Variants in CNTNAP5 observed in about 807,000 individuals in gnomAD.
CNTNAP5 encodes the protein contactin associated protein family member 5.
CNTNAP5 carries 72 observed loss-of-function variants against 150.2 expected under a neutral mutation model. That is an observed-to-expected ratio of 0.48 (90% CI 0.40 to 0.58). The LOEUF (loss-of-function observed/expected upper bound fraction) is 0.58. CNTNAP5 is among the 20% of genes least tolerant of loss of function. CNTNAP5 has a pLI of 0.00. For synonymous variants in CNTNAP5, 672 were observed against 619.8 expected (o/e 1.08, Z -1.25); for missense variants, 1,636 against 1,626.2 (o/e 1.01, Z -0.10).
intron 12 of CNTNAP5, among the ~76,000 whole-genome samples, chr2:124,641,866 T>A (rs1678101216): frequency 1.3e-5 from 2 of 152,280 alleles, no homozygotes; most frequent in South Asian, 4.1e-4. Flanking sequence ...TAGAATGAGG[T>A]CTTATTAATC....
intron 1 of CNTNAP5, among the ~76,000 whole-genome samples, chr2:124,211,500 C>T (rs1359239096): frequency 1.3e-5 from 2 of 148,922 alleles, no homozygotes; most frequent in Non-Finnish European, 3.0e-5. Context: ...TGCAAATATA[C>T]TACAGTCTCC....
chr2:124,612,692 A>AT (rs1677411722), intron 12 of CNTNAP5, among the ~76,000 whole-genome samples: 1 of 152,096 alleles, frequency 6.6e-6, no homozygotes, highest in African/African-American at 2.4e-5. Flanking sequence ...TTTGAATATG[A>AT]TTTTTTTGGG....
At chr2:124,170,442 T>C (rs2579822) in intron 1 of CNTNAP5, among the ~76,000 whole-genome samples, 147,455 of 152,250 alleles carry the variant, frequency 0.97, 71,583 homozygotes, top group East Asian at 1. Context: ...TGTGTGCAGA[T>C]GCTTCTCAGA....
At chr2:124,282,862 T>C (rs566557187) in intron 3 of CNTNAP5, among the ~76,000 whole-genome samples, 1 of 152,292 alleles carries the variant, frequency 6.6e-6, no homozygotes, top group African/African-American at 2.4e-5. Flanking sequence ...TAGTTTCTAT[T>C]ATATATGAAA....
intron 12 of CNTNAP5, among the ~76,000 whole-genome samples, chr2:124,640,535 T>A (rs1408731767): frequency 6.6e-6 from 1 of 152,184 alleles, no homozygotes; most frequent in Non-Finnish European, 1.5e-5. Flanking sequence ...GCCGTGGTTT[T>A]AGTGAGGCAC....
At chr2:124,747,584 A>G (rs1270041350) in intron 14 of CNTNAP5, among the ~76,000 whole-genome samples, 199 bp downstream of exon 14, 4 of 145,468 alleles carry the variant, frequency 2.7e-5, no homozygotes, top group Non-Finnish European at 6.0e-5. Flanking sequence ...ACATATAAGC[A>G]TGTGGTCATA....
intron 19 of CNTNAP5, among the ~76,000 whole-genome samples, chr2:124,855,625 C>A (rs143416024): frequency 6.6e-6 from 1 of 152,064 alleles, no homozygotes; most frequent in African/African-American, 2.4e-5. Flanking sequence ...AACCAATGTA[C>A]GAGAGTATTT....
chr2:124,663,394 AT>A (rs1429926007), intron 13 of CNTNAP5, among the ~76,000 whole-genome samples: 1 of 152,200 alleles, frequency 6.6e-6, no homozygotes, highest in African/African-American at 2.4e-5. Flanking sequence ...CCCCCCAAAA[AT>A]AAAAAGCTAA....
intron 17 of CNTNAP5, among the ~76,000 whole-genome samples, chr2:124,776,269 T>G (rs62171344): frequency 0.061 from 9,191 of 150,502 alleles, 412 homozygotes; most frequent in Middle Eastern, 0.16. Context: ...TACTTTTTAT[T>G]TTTCCCATGG....
chr2:124,137,694 G>T (rs1311567108), intron 1 of CNTNAP5, among the ~76,000 whole-genome samples: 1 of 152,204 alleles, frequency 6.6e-6, no homozygotes, highest in Non-Finnish European at 1.5e-5. Flanking sequence ...CAATGCTGTT[G>T]CGAGGTGCAG....
At chr2:124,240,659 G>GA (rs5834050) in intron 2 of CNTNAP5, among the ~76,000 whole-genome samples, 20 of 146,856 alleles carry the variant, frequency 1.4e-4, no homozygotes, top group East Asian at 2.0e-4. Context: ...GGAATGGTGA[G>GA]AAAAAAAAAA....
intron 4 of CNTNAP5, among the ~76,000 whole-genome samples, chr2:124,431,506 A>AAG (rs1553467704): frequency 1.7e-5 from 2 of 116,036 alleles, no homozygotes; most frequent in Non-Finnish European, 3.4e-5. Flanking sequence ...AAAAGTGTCA[A>AAG]AGATATATAT....
chr2:124,239,235 T>G (rs1686825754), intron 2 of CNTNAP5, among the ~76,000 whole-genome samples: 2 of 152,208 alleles, frequency 1.3e-5, no homozygotes, highest in Admixed American at 1.3e-4. Flanking sequence ...TTGATCAGTC[T>G]TTTGTTATTT....
chr2:124,375,467 A>T (rs887210278), intron 3 of CNTNAP5, among the ~76,000 whole-genome samples: 2 of 152,112 alleles, frequency 1.3e-5, no homozygotes, highest in Admixed American at 1.3e-4. Context: ...ACTCAAACTG[A>T]GGGGCATTCT....
intron 12 of CNTNAP5, among the ~76,000 whole-genome samples, chr2:124,643,081 A>G (rs567288773): frequency 7.2e-5 from 11 of 152,320 alleles, no homozygotes; most frequent in African/African-American, 2.6e-4. Context: ...AACTTTAAAA[A>G]AGCCAATATT....
At chr2:124,481,945 A>G (rs900735065) in intron 7 of CNTNAP5, among the ~76,000 whole-genome samples, 5 of 152,312 alleles carry the variant, frequency 3.3e-5, no homozygotes, top group South Asian at 2.1e-4. Context: ...AAGCCACACC[A>G]CATTCCACGC....
chr2:124,797,984 T>C, intron 18 of CNTNAP5, 112 bp from the exon 19 acceptor site: 1 of 680,684 alleles, frequency 1.5e-6, no homozygotes, highest in South Asian at 1.9e-5. Context: ...CTGATGCATG[T>C]ATTACTCCTC....
chr2:124,317,154 A>G (rs1277421776), intron 3 of CNTNAP5, among the ~76,000 whole-genome samples: 1 of 152,208 alleles, frequency 6.6e-6, no homozygotes, highest in Admixed American at 6.6e-5. Context: ...AACTAAGACC[A>G]TAAAAACCTC....
At position 124,504,278 on chromosome 2, in the gene CNTNAP5, T is replaced by G. The variant is rs192600965; in HGVS notation, c.1063-14T>G. On this transcript the variant is annotated splice_polypyrimidine_tract_variant and intron_variant, in intron 7 of 23. Coordinates refer to ENST00000682447, the MANE Select transcript of CNTNAP5 (RefSeq NM_001367498.1). ...AAAATGGCTTTTATATGTTTGACTT[T>G]TATTGTTTTCCAGGGCAATGTCACT... 3.1e-6 allele frequency: 5 copies of G among 1,607,832 alleles called. No homozygotes were observed. The highest frequency in any genetic ancestry group is 2.7e-5 in the African/African-American group (2 of 74,882).
Sources: gnomAD v4.1 joint callset for allele counts (sites outside exome capture counted in the v4.1 genomes callset) on GRCh38, gnomAD v4.1.1 for gene constraint, MANE v1.5 for transcripts, NCBI Gene and HGNC (gene_info 2026-07-23, HGNC 2026-07-21) for gene names.